The following FAM20C variants were observed in gnomAD, a reference collection of about 807,000 sequenced individuals.
FAM20C encodes the protein extracellular serine/threonine protein kinase FAM20C.
In FAM20C, 40 loss-of-function variants were observed where a neutral mutation model predicts 51.5. That is an observed-to-expected ratio of 0.78 (90% CI 0.60 to 1.01). The LOEUF (loss-of-function observed/expected upper bound fraction) is 1.01, where lower values mean the gene tolerates loss of function less well. Ranked by LOEUF, FAM20C falls within the 50% of genes least tolerant of loss-of-function variation. The probability of loss-of-function intolerance (pLI) is 0.00; values close to 1 mark genes in which losing one functional copy is unlikely to be tolerated. For synonymous variants in FAM20C, 406 were observed against 380.6 expected, an observed-to-expected ratio of 1.07 and a Z score of -0.78; for missense variants, 861 against 844.7, an observed-to-expected ratio of 1.02 and a Z score of -0.24.
At chr7:258,864 C>T (rs944603449) in intron 9 of FAM20C, among the ~76,000 whole-genome samples, 159 bp downstream of exon 9, 4 of 152,132 alleles carry the variant, frequency 2.6e-5, no homozygotes, top group Non-Finnish European at 4.4e-5. Flanking sequence ...CACCCTCACT[C>T]GGCGGCCTGG....
At chr7:224,200 GCACGGCGGCTGTCCCCTGAGCCTTC>G (rs1787372717) in intron 3 of FAM20C, among the ~76,000 whole-genome samples, 1 of 123,574 alleles carries the variant, frequency 8.1e-6, no homozygotes. Context: ...TCACGGGGTC[GCACGGCGGCTGTCCCCTGAGCCTTC>G]TCTCACGGAG....
rs575417118 is a variant in FAM20C at position 247,806 on chromosome 7, G to T, written c.957-509G>T. Among the ~76,000 whole-genome samples the T allele has an allele frequency of 8.5e-5, 13 of 152,336 alleles. 1 individual carries two copies. In the South Asian group the frequency reaches 2.7e-3, roughly 32 times the overall value. ...GAGGGGGAGGGTGCTCCACGCAGAG[G>T]CGTGGTCGGGCCTTGGGTCCCGGGT... On this transcript the variant is annotated intron_variant, in intron 4 of 9. Transcript: ENST00000313766.
At chr7:217,493 T>C (rs1787055719) in intron 3 of FAM20C, among the ~76,000 whole-genome samples, 1 of 11,924 alleles carries the variant, frequency 8.4e-5, no homozygotes, top group African/African-American at 3.1e-4. Flanking sequence ...AGGGCCATCC[T>C]GGGGGGCGGT....
At chr7:258,751 C>T in intron 9 of FAM20C, 46 bp downstream of exon 9, 1 of 1,506,946 alleles carries the variant, frequency 6.6e-7, no homozygotes, top group Non-Finnish European at 8.9e-7. Flanking sequence ...CTCCTCCCTA[C>T]TGCGCAGGAG....
intron 3 of FAM20C, among the ~76,000 whole-genome samples, chr7:240,752 C>G (rs1787922474): frequency 6.6e-6 from 1 of 152,176 alleles, no homozygotes; most frequent in South Asian, 2.1e-4. Context: ...CCCTTGAGTC[C>G]AGCAAACAAT....
chr7:212,047 TG>T (rs1327929756), intron 3 of FAM20C, among the ~76,000 whole-genome samples: 1 of 152,196 alleles, frequency 6.6e-6, no homozygotes, highest in African/African-American at 2.4e-5. Flanking sequence ...TGATGACCTA[TG>T]GGGGCTGTGC....
intron 5 of FAM20C, among the ~76,000 whole-genome samples, chr7:254,397 A>G (rs2115168302): frequency 6.6e-6 from 1 of 152,366 alleles, no homozygotes. Context: ...CGGCCCCAAC[A>G]AAACCACGTT....
intron 1 of FAM20C, among the ~76,000 whole-genome samples, chr7:194,774 C>CTG (rs1408102042): frequency 7.0e-5 from 8 of 113,620 alleles, no homozygotes; most frequent in African/African-American, 3.0e-4. Context: ...GTATCCTAGC[C>CTG]CCCCACCCCG....
At chr7:230,407 G>A (rs1223215507) in intron 3 of FAM20C, among the ~76,000 whole-genome samples, 1 of 143,910 alleles carries the variant, frequency 6.9e-6, no homozygotes, top group African/African-American at 2.5e-5. Flanking sequence ...GTGGCTTAAA[G>A]TGCCCCTGTC....
rs112887215 is a variant in FAM20C, at chr7:206,925, C to T, written c.785-1973C>T. Among the ~76,000 whole-genome samples, 14 of 39,924 alleles carry T rather than the reference C, an allele frequency of 3.5e-4. 3 individuals carry two copies. Among genetic ancestry groups the T allele is most frequent in the Admixed American group, 6.3e-4 (3 of 4,754 alleles). The allele number at this position is 39,924 out of a possible 152,430, so 26.2% of individuals were successfully genotyped here. Reference sequence around the variant, plus strand: ...GCGTCGGTCACTGTCCCCTCGGCCCCGCACACGTGTCCACTGTGAGGCGTC... The same window carrying T: ...GCGTCGGTCACTGTCCCCTCGGCCCTGCACACGTGTCCACTGTGAGGCGTC... On this transcript the variant is annotated intron_variant, in intron 2 of 9. Transcript: ENST00000313766.
At chr7:200,391 C>T (rs1786074475) in intron 2 of FAM20C, among the ~76,000 whole-genome samples, 1 of 152,204 alleles carries the variant, frequency 6.6e-6, no homozygotes, top group African/African-American at 2.4e-5. Context: ...CTGCAAAGGA[C>T]GATTTCAAGT....
At position 195,686 on chromosome 7, in the gene FAM20C, C is replaced by G. The variant is rs574668517; in HGVS notation, c.738C>G (p.Ile246Met). ...TGTACTCCAGACACAACCCGGCCAT[C>G]GAGGCCCTGCTGCACGACCTCAGCT... ...YELYSRHNPA[I>M]EALLHDLSSQ... Residue 246 changes from isoleucine (I) to methionine (M), a missense_variant, in exon 2 of 10, where the codon ATC becomes ATG. Transcript: ENST00000313766. 6.2e-7 allele frequency: 1 copy of G among 1,610,792 alleles called. No individual in the cohort carries two copies. Among genetic ancestry groups the G allele is most frequent in the Admixed American group, 1.7e-5 (1 of 59,848 alleles).
intron 2 of FAM20C, among the ~76,000 whole-genome samples, chr7:204,802 C>G (rs898570660): frequency 6.6e-6 from 1 of 152,200 alleles, no homozygotes; most frequent in Non-Finnish European, 1.5e-5. Flanking sequence ...ACTCGTGTGG[C>G]CTTCGCTGTG....
chr7:231,273 C>G (rs182706746), intron 3 of FAM20C, among the ~76,000 whole-genome samples: 3 of 152,176 alleles, frequency 2.0e-5, no homozygotes, highest in Admixed American at 2.0e-4. Flanking sequence ...GCAGCATGTT[C>G]GGGGAGCCCG....
chr7:236,880 C>T (rs1271551890), intron 3 of FAM20C, among the ~76,000 whole-genome samples: 3 of 152,136 alleles, frequency 2.0e-5, no homozygotes, highest in South Asian at 2.1e-4. Flanking sequence ...CGGTGGCTGT[C>T]GGGCTCATCT....
At chr7:252,596 C>T (rs1250589869) in intron 5 of FAM20C, among the ~76,000 whole-genome samples, 1 of 152,224 alleles carries the variant, frequency 6.6e-6, no homozygotes, top group Non-Finnish European at 1.5e-5. Flanking sequence ...GAGTGACCCT[C>T]CCGTGGGGTC....
chr7:254,581 G>A (rs538107837), intron 5 of FAM20C, among the ~76,000 whole-genome samples: 1 of 152,350 alleles, frequency 6.6e-6, no homozygotes, highest in Admixed American at 6.5e-5. Flanking sequence ...GCATTTTTCT[G>A]ATTATTCTTT....
intron 3 of FAM20C, among the ~76,000 whole-genome samples, chr7:223,374 C>T (rs985269675): frequency 1.3e-5 from 2 of 152,150 alleles, no homozygotes; most frequent in Admixed American, 1.3e-4. Flanking sequence ...AGCAGGGGCT[C>T]GATGTGTGGT....
rs573358986 is a variant in FAM20C, at chr7:246,716, G to A, written c.956+209G>A. Among the ~76,000 whole-genome samples the A allele has an allele frequency of 9.3e-5, 14 of 150,284 alleles. 1 individual carries two copies. The highest frequency in any genetic ancestry group is 2.0e-4 in the East Asian group (1 of 5,050). ...ACCTTTGTCACCATCAGGCAGCGCC[G>A]GTGCCTGCTCTCCCCCCACCCCGAG... is the stretch of plus-strand genomic sequence containing the variant. On this transcript the variant is annotated intron_variant, in intron 4 of 9. Transcript: ENST00000313766.
Sources: gnomAD v4.1 joint callset for allele counts (sites outside exome capture counted in the v4.1 genomes callset) on GRCh38, gnomAD v4.1.1 for gene constraint, MANE v1.5 for transcripts, NCBI Gene and HGNC (gene_info 2026-07-23, HGNC 2026-07-21) for gene names.